NHSL2: variants seen among roughly 807,000 people sequenced by gnomAD.
The protein encoded by NHSL2 is NHS-like protein 2.
NHSL2 carries 27 observed loss-of-function variants against 53.4 expected under a neutral mutation model. The observed-to-expected ratio is 0.51, with a 90% CI of 0.37 to 0.70. The LOEUF is 0.70. Among genes scored for constraint, NHSL2 ranks in the 30% least tolerant of loss-of-function variants. The pLI is 0.00. For missense variants in NHSL2, 892 were observed against 980.1 expected, an observed-to-expected ratio of 0.91 and a Z score of 1.20; for synonymous variants, 408 against 404.1, an observed-to-expected ratio of 1.01 and a Z score of -0.12.
At chrX:72,134,056 C>T (rs939387982) in intron 2 of NHSL2, 35 bp from the exon 3 acceptor site, 2 of 1,161,918 alleles carry the variant, frequency 1.7e-6, no homozygotes, top group African/African-American at 3.6e-5. Flanking sequence ...GCCATGGCAC[C>T]CTAGAGTGTG....
At chrX:72,071,790 C>A (rs955759595) in intron 1 of NHSL2, among the ~76,000 whole-genome samples, 4 of 112,163 alleles carry the variant, frequency 3.6e-5, no homozygotes, top group Non-Finnish European at 7.5e-5. Flanking sequence ...TGGTAGTCAT[C>A]CTTCACTCCT....
intron 1 of NHSL2, among the ~76,000 whole-genome samples, chrX:71,977,702 C>T (rs762573064): frequency 2.7e-5 from 3 of 111,843 alleles, no homozygotes; most frequent in Non-Finnish European, 3.8e-5. Flanking sequence ...CATGAGCCAC[C>T]GCGCCTGTCT....
chrX:71,994,444 C>T (rs1005457251), intron 1 of NHSL2, among the ~76,000 whole-genome samples: 21 of 109,286 alleles, frequency 1.9e-4, no homozygotes, highest in Non-Finnish European at 1.7e-4. Context: ...GCGCAGGGAG[C>T]CCCTGAGCAG....
intron 1 of NHSL2, among the ~76,000 whole-genome samples, chrX:71,919,582 A>G (rs1338630013): frequency 8.9e-6 from 1 of 111,808 alleles, no homozygotes; most frequent in Admixed American, 9.4e-5. Context: ...GAGGAGCCGC[A>G]TCTAGCCTTT....
At position 71,936,393 on chromosome X, in the gene NHSL2, T is replaced by C. The variant is rs1168789833; in HGVS notation, c.280+25026T>C. 2.7e-5 allele frequency among the ~76,000 whole-genome samples: 3 copies of C among 112,142 alleles called. No homozygotes were observed. The East Asian group carries it at 8.4e-4, about 32-fold the overall frequency. On this transcript the variant is annotated intron_variant, in intron 1 of 7. Coordinates refer to ENST00000633930, the MANE Select transcript of NHSL2 (RefSeq NM_001013627.3). Reference sequence around the variant, plus strand: ...TCTGAATCTCTAGGCATGTTTCCCATCCAGAAATTTAGGCAGTGGGTCAGT... The same window carrying C: ...TCTGAATCTCTAGGCATGTTTCCCACCCAGAAATTTAGGCAGTGGGTCAGT...
chrX:71,938,003 C>T (rs1222394329), intron 1 of NHSL2, among the ~76,000 whole-genome samples: 3 of 112,137 alleles, frequency 2.7e-5, no homozygotes, highest in Non-Finnish European at 5.6e-5. Flanking sequence ...ATATTTACTT[C>T]TGTGCCGTTG....
At chrX:72,137,009 C>A in intron 4 of NHSL2, 85 bp from the exon 5 acceptor site, 1 of 776,182 alleles carries the variant, frequency 1.3e-6, no homozygotes. Context: ...ATCACGACTG[C>A]CATCATTCTC....
chrX:72,048,070 GATAACA>G (rs58016572), intron 1 of NHSL2, among the ~76,000 whole-genome samples: 18,360 of 101,624 alleles, frequency 0.18, 1,401 homozygotes, highest in South Asian at 0.22. Flanking sequence ...CACTCATGAT[GATAACA>G]ATAATAATAA....
chrX:72,139,099 G>A lies in NHSL2; in HGVS notation c.1551G>A (p.Lys517=). ...ATGTGGACTATGATGAGGAGCAGAA[G>A]GCCAATGAGGCCTGTGCCCTGCCTT... ...TTDVDYDEEQ[K]ANEACALPFA... The change falls in exon 6 of 8, where the codon AAG becomes AAA. Residue 517 remains lysine, a synonymous_variant. Transcript: ENST00000633930. 1.7e-6 allele frequency: 2 copies of A among 1,169,648 alleles called. No homozygotes were observed. The highest frequency in any genetic ancestry group is 2.6e-5 in the Admixed American group (1 of 39,108).
chrX:71,963,970 TATAC>T lies in NHSL2; in HGVS notation c.280+52607_280+52610del, dbSNP rs1257184867. Among the ~76,000 whole-genome samples, 5 of 5,579 alleles carry T rather than the reference TATAC, an allele frequency of 9.0e-4. 1 individual carries two copies. The highest frequency in any genetic ancestry group is 1.0e-3 in the African/African-American group (5 of 4,835). The allele number at this position is 5,579 out of a possible 115,157, so 4.8% of individuals were successfully genotyped here. A position where few individuals can be genotyped will look rare whatever the true frequency, so the allele number is the denominator to read the frequency against. On this transcript the variant is annotated intron_variant, in intron 1 of 7. Coordinates refer to ENST00000633930, the MANE Select transcript of NHSL2 (RefSeq NM_001013627.3). ...GTGGCTATATATATACACATATATA[TATAC>T]ATATATATATATATATATGTATATA...
chrX:71,944,858 TG>T (rs2041785241), intron 1 of NHSL2, among the ~76,000 whole-genome samples: 1 of 112,381 alleles, frequency 8.9e-6, no homozygotes, highest in Admixed American at 9.4e-5. Flanking sequence ...AATAGGGATT[TG>T]GCTAAGCAGA....
At chrX:72,040,539 C>T (rs2042268570) in intron 1 of NHSL2, among the ~76,000 whole-genome samples, 1 of 111,957 alleles carries the variant, frequency 8.9e-6, no homozygotes, top group South Asian at 3.7e-4. Context: ...ACATTCTAAA[C>T]GAGAATGATG....
chrX:72,093,740 TTC>T (rs776496807), intron 1 of NHSL2, among the ~76,000 whole-genome samples: 15 of 105,098 alleles, frequency 1.4e-4, no homozygotes, highest in Non-Finnish European at 2.3e-4. Flanking sequence ...CTTTCTTTCT[TTC>T]TTTCTTTCTT....
intron 1 of NHSL2, among the ~76,000 whole-genome samples, chrX:72,106,432 T>G (rs1236178439): frequency 1.8e-5 from 2 of 111,977 alleles, no homozygotes; most frequent in East Asian, 5.6e-4. Context: ...CTCATGCCAG[T>G]TAGAATGGCG....
At chrX:72,062,743 A>C in intron 1 of NHSL2, among the ~76,000 whole-genome samples, 1 of 111,635 alleles carries the variant, frequency 9.0e-6, no homozygotes, top group Admixed American at 9.4e-5. Context: ...CCCAAGGGGG[A>C]GGTATGTGGG....
At chrX:72,049,009 A>AGAAGAGGAAGAG (rs879168606) in intron 1 of NHSL2, among the ~76,000 whole-genome samples, 37,770 of 85,932 alleles carry the variant, frequency 0.44, 7,984 homozygotes, top group Middle Eastern at 0.56. Context: ...AAGAAGAAGA[A>AGAAGAGGAAGAG]GAAGAGGAAG....
chrX:71,964,230 C>T (rs5991851), intron 1 of NHSL2, among the ~76,000 whole-genome samples: 1 of 95,144 alleles, frequency 1.1e-5, no homozygotes, highest in Non-Finnish European at 2.1e-5. Flanking sequence ...CCACCCCCAA[C>T]AGGCCCTGGT....
At position 72,149,216 on chromosome X, in the gene NHSL2, A is replaced by T. The variant is rs1382817871; in HGVS notation, c.*5642A>T. 9.0e-6 allele frequency: 1 copy of T among 110,864 alleles called. No individual in the cohort carries two copies. Among genetic ancestry groups the T allele is most frequent in the Non-Finnish European group, 1.9e-5 (1 of 52,884 alleles). 9.1% of individuals were successfully genotyped at this position (110,864 alleles called of 1,213,427 possible). A position where few individuals can be genotyped will look rare whatever the true frequency, so the allele number is the denominator to read the frequency against. On this transcript the variant is annotated 3_prime_UTR_variant, in exon 8 of 8. Coordinates refer to ENST00000633930, the MANE Select transcript of NHSL2 (RefSeq NM_001013627.3). Reference sequence around the variant, plus strand: ...TGCTTTGGGTTTAAAAAAAAAAAAAAGATTTTTTTTAACTCACAAATGGAA... The same window carrying T: ...TGCTTTGGGTTTAAAAAAAAAAAAATGATTTTTTTTAACTCACAAATGGAA...
chrX:72,091,185 G>GGCTC (rs1309003150), intron 1 of NHSL2, among the ~76,000 whole-genome samples: 11 of 112,522 alleles, frequency 9.8e-5, no homozygotes, highest in African/African-American at 3.6e-4. Flanking sequence ...CGGGCGCAGT[G>GGCTC]GCTCACGCCT....
Sources: allele counts gnomAD v4.1 joint callset (sites outside exome capture counted in the v4.1 genomes callset), GRCh38; gene constraint gnomAD v4.1.1; transcripts MANE v1.5; gene names NCBI Gene and HGNC (gene_info 2026-07-23, HGNC 2026-07-21).